The following NMNAT3 variants were observed in gnomAD, a reference collection of about 807,000 sequenced individuals.
NMNAT3 encodes the protein nicotinamide nucleotide adenylyltransferase 3, also known as nicotinamide/nicotinic acid mononucleotide adenylyltransferase 3.
NMNAT3 carries 21 observed loss-of-function variants against 24.8 expected under a neutral mutation model. That is an observed-to-expected ratio of 0.85 (90% CI 0.60 to 1.22). NMNAT3 has a LOEUF of 1.22. Ranked by LOEUF, NMNAT3 falls within the 50% of genes most tolerant of loss-of-function variation. The probability of loss-of-function intolerance (pLI) is 0.00; values close to 1 mark genes in which losing one functional copy is unlikely to be tolerated. For missense variants in NMNAT3, 387 were observed against 436.6 expected, an observed-to-expected ratio of 0.89 and a Z score of 1.01; for synonymous variants, 136 against 155.2, an observed-to-expected ratio of 0.88 and a Z score of 0.92.
chr3:139,596,194 T>C lies in NMNAT3; in HGVS notation c.110-12986A>G, dbSNP rs78377282. ...CCTTATGGGCTGCTGGGTGGCCCTGTCAGAGCCTGGGGAGGTTCTGTTTAA... is the reference window on the plus strand; with the variant it reads ...CCTTATGGGCTGCTGGGTGGCCCTGCCAGAGCCTGGGGAGGTTCTGTTTAA... On this transcript the variant is annotated intron_variant, in intron 3 of 6. Transcript: ENST00000643695. 4.6e-5 allele frequency among the ~76,000 whole-genome samples: 7 copies of C among 152,264 alleles called. No homozygotes were observed. In the East Asian group the frequency reaches 1.4e-3, roughly 29 times the overall value.
chr3:139,675,038 T>C (rs1489023460), intron 1 of NMNAT3, among the ~76,000 whole-genome samples: 1 of 152,050 alleles, frequency 6.6e-6, no homozygotes, highest in Non-Finnish European at 1.5e-5. Flanking sequence ...ACTATGGTGT[T>C]CACCACTAAG....
At chr3:139,666,076 T>G (rs555164131) in intron 1 of NMNAT3, among the ~76,000 whole-genome samples, 1 of 152,306 alleles carries the variant, frequency 6.6e-6, no homozygotes, top group African/African-American at 2.4e-5. Flanking sequence ...CAGGTGGTTC[T>G]CAGAGGAGTA....
intron 1 of NMNAT3, among the ~76,000 whole-genome samples, chr3:139,676,646 G>A (rs2057938592): frequency 6.6e-6 from 1 of 152,222 alleles, no homozygotes; most frequent in Non-Finnish European, 1.5e-5. Context: ...ATGGGCTCCA[G>A]GAGGGCAGGG....
At chr3:139,648,183 T>C (rs1417505856) in intron 1 of NMNAT3, among the ~76,000 whole-genome samples, 1 of 152,192 alleles carries the variant, frequency 6.6e-6, no homozygotes, top group Non-Finnish European at 1.5e-5. Context: ...TCACAAGATC[T>C]GATCATTTAA....
At chr3:139,624,425 C>T (rs923560186) in intron 3 of NMNAT3, among the ~76,000 whole-genome samples, 2 of 149,678 alleles carry the variant, frequency 1.3e-5, no homozygotes, top group Non-Finnish European at 3.0e-5. Context: ...CTTTGTATTA[C>T]TTCAGTTCTT....
At chr3:139,617,500 C>G (rs1273955997) in intron 3 of NMNAT3, among the ~76,000 whole-genome samples, 1 of 152,114 alleles carries the variant, frequency 6.6e-6, no homozygotes, top group Admixed American at 6.6e-5. Context: ...CAGTACCCAC[C>G]TGGTAGGGCT....
In NMNAT3 at chr3:139,600,673, C is replaced by T. The variant is rs549449454; in HGVS notation, c.110-17465G>A. 4.6e-5 allele frequency among the ~76,000 whole-genome samples: 7 copies of T among 152,320 alleles called. No individual in the cohort carries two copies. The South Asian group carries it at 1.2e-3, about 27-fold the overall frequency. On this transcript the variant is annotated intron_variant, in intron 3 of 6. Coordinates refer to ENST00000643695, the MANE Select transcript of NMNAT3 (RefSeq NM_001320510.2). ...CCTTTGAAATTGATGCCTGCCACCA[C>T]ACCTGGCAGAAAGGATGTTTTTGTT...
Position 139,599,627 on chromosome 3 carries a change from G to A in NMNAT3, c.110-16419C>T, listed in dbSNP as rs1324112490. 3.3e-5 allele frequency among the ~76,000 whole-genome samples: 5 copies of A among 152,240 alleles called. No homozygotes were observed. In the South Asian group the frequency reaches 6.2e-4, roughly 19 times the overall value. Reference sequence around the variant, plus strand: ...AAACAGACTGTTGTGATTAAACCTCGCCTCTAAGTGAAGCTTGGAAAATAT... The same window carrying A: ...AAACAGACTGTTGTGATTAAACCTCACCTCTAAGTGAAGCTTGGAAAATAT... On this transcript the variant is annotated intron_variant, in intron 3 of 6. Transcript: ENST00000643695.
intron 5 of NMNAT3, among the ~76,000 whole-genome samples, chr3:139,575,419 G>C (rs372205084): frequency 6.6e-6 from 1 of 152,086 alleles, no homozygotes; most frequent in East Asian, 1.9e-4. Context: ...TGTAGGACTT[G>C]AAGTATTTTA....
intron 1 of NMNAT3, among the ~76,000 whole-genome samples, chr3:139,643,817 G>A (rs747352748): frequency 1.1e-4 from 16 of 152,142 alleles, no homozygotes; most frequent in Non-Finnish European, 1.9e-4. Context: ...CAACATCAAT[G>A]CATTTATTAC....
chr3:139,665,625 G>C (rs1176682587), intron 1 of NMNAT3, among the ~76,000 whole-genome samples: 1 of 151,996 alleles, frequency 6.6e-6, no homozygotes, highest in Admixed American at 6.5e-5. Context: ...AGTGTTGTCT[G>C]TAACGGTAAA....
intron 3 of NMNAT3, among the ~76,000 whole-genome samples, chr3:139,613,074 G>T (rs1318862199): frequency 6.6e-6 from 1 of 152,134 alleles, no homozygotes; most frequent in East Asian, 1.9e-4. Flanking sequence ...ATAGGCATGG[G>T]CAAGGACTTC....
At chr3:139,644,057 A>T (rs2056793506) in intron 1 of NMNAT3, among the ~76,000 whole-genome samples, 1 of 152,188 alleles carries the variant, frequency 6.6e-6, no homozygotes, top group South Asian at 2.1e-4. Flanking sequence ...AGTACCAGAG[A>T]TCTGATAGAA....
chr3:139,663,916 C>A (rs745790591), intron 1 of NMNAT3, among the ~76,000 whole-genome samples: 1 of 152,196 alleles, frequency 6.6e-6, no homozygotes, highest in Non-Finnish European at 1.5e-5. Flanking sequence ...TGACTGTCTT[C>A]ACCCCAATGC....
Position 139,560,970 on chromosome 3 carries a change from G to A in NMNAT3, c.*40C>T, listed in dbSNP as rs753929227. ...ACCTTAACAGCCCTCTCCCCAGCAG[G>A]AGCTTGTTGGAGGAGGTGTGGGTGC... On this transcript the variant is annotated 3_prime_UTR_variant, in exon 7 of 7. Coordinates refer to ENST00000643695, the MANE Select transcript of NMNAT3 (RefSeq NM_001320510.2). The A allele has an allele frequency of 8.2e-6, 13 of 1,579,094 alleles. No homozygotes were observed. The East Asian group carries it at 2.7e-4, about 33-fold the overall frequency.
chr3:139,611,931 G>T (rs1288163628), intron 3 of NMNAT3, among the ~76,000 whole-genome samples: 2 of 152,208 alleles, frequency 1.3e-5, no homozygotes, highest in East Asian at 3.9e-4. Flanking sequence ...ACTTTGTGGG[G>T]CTGAGGCGGG....
chr3:139,602,079 G>A (rs2054743825), intron 3 of NMNAT3, among the ~76,000 whole-genome samples: 8 of 152,196 alleles, frequency 5.3e-5, no homozygotes, highest in Admixed American at 5.2e-4. Flanking sequence ...TCCAAGATAT[G>A]CGGGGGATTC....
chr3:139,642,955 A>C lies in NMNAT3; in HGVS notation c.-140-4893T>G, dbSNP rs148416884. The stretch of plus-strand genomic sequence containing the variant: ...ATGTCCTTTCCATCCATTTCTGTCT[A>C]TTAAATTTTGCCCCCCAACACTCAG... On this transcript the variant is annotated intron_variant, in intron 1 of 6. Coordinates refer to ENST00000643695, the MANE Select transcript of NMNAT3 (RefSeq NM_001320510.2). 1.2e-3 allele frequency among the ~76,000 whole-genome samples: 178 copies of C among 152,214 alleles called. 1 individual carries two copies. Among genetic ancestry groups the C allele is most frequent in the African/African-American group, 4.1e-3 (172 of 41,554 alleles).
At chr3:139,567,955 T>C (rs1245599428) in intron 6 of NMNAT3, 2 of 152,252 alleles carry the variant, frequency 1.3e-5, no homozygotes, top group Admixed American at 1.3e-4. Context: ...AATTTGGCTG[T>C]GAATCCATCT....
Sources: gnomAD v4.1 joint callset for allele counts (sites outside exome capture counted in the v4.1 genomes callset) on GRCh38, gnomAD v4.1.1 for gene constraint, MANE v1.5 for transcripts, NCBI Gene and HGNC (gene_info 2026-07-23, HGNC 2026-07-21) for gene names.